Variants in HUNK observed in about 807,000 individuals in gnomAD.
HUNK encodes the protein hormonally up-regulated Neu-associated kinase.
HUNK carries 21 observed loss-of-function variants against 61.0 expected under a neutral mutation model. The observed-to-expected ratio is 0.34, with a 90% CI of 0.24 to 0.50. The LOEUF is 0.50. HUNK is among the 20% of genes least tolerant of loss of function. The probability of loss-of-function intolerance (pLI) is 0.98; values close to 1 mark genes in which losing one functional copy is unlikely to be tolerated. For synonymous variants in HUNK, 371 were observed against 386.1 expected, an observed-to-expected ratio of 0.96 and a Z score of 0.46; for missense variants, 772 against 945.7, an observed-to-expected ratio of 0.82 and a Z score of 2.41.
chr21:31,984,516 G>T (rs2053119879), intron 8 of HUNK, among the ~76,000 whole-genome samples: 1 of 152,214 alleles, frequency 6.6e-6, no homozygotes, highest in Admixed American at 6.5e-5. Context: ...TTCCTGGCCA[G>T]CTGTCCCTGG....
At chr21:31,941,941 G>A (rs1461862210) in intron 3 of HUNK, among the ~76,000 whole-genome samples, 1 of 152,196 alleles carries the variant, frequency 6.6e-6, no homozygotes, top group African/African-American at 2.4e-5. Flanking sequence ...TAGGCCAGGT[G>A]CAGTGGCTCA....
Position 31,928,708 on chromosome 21 carries a change from A to C in HUNK, c.554+3948A>C, listed in dbSNP as rs149215995. Among the ~76,000 whole-genome samples, 971 of 152,320 alleles carry C rather than the reference A, an allele frequency of 6.4e-3. 10 individuals are homozygous for C. Among genetic ancestry groups the C allele is most frequent in the African/African-American group, 0.022 (911 of 41,566 alleles). On this transcript the variant is annotated intron_variant, in intron 2 of 10. Coordinates refer to ENST00000270112, the MANE Select transcript of HUNK (RefSeq NM_014586.2). The stretch of plus-strand genomic sequence containing the variant: ...CCTCACATTAAAATGCTTGTTTAGA[A>C]TATATTCATAGTGGCTTTAACGGAA...
At chr21:31,887,769 G>A (rs2052357579) in intron 1 of HUNK, among the ~76,000 whole-genome samples, 1 of 152,174 alleles carries the variant, frequency 6.6e-6, no homozygotes, top group South Asian at 2.1e-4. Context: ...ACCGCCTTCG[G>A]GGAGCCTCGC....
At chr21:31,984,195 T>C (rs1356132410) in intron 8 of HUNK, among the ~76,000 whole-genome samples, 1 of 152,114 alleles carries the variant, frequency 6.6e-6, no homozygotes, top group Non-Finnish European at 1.5e-5. Flanking sequence ...TAGTTAACAG[T>C]AACTTATTAT....
chr21:31,889,381 C>G (rs112261006), intron 1 of HUNK, among the ~76,000 whole-genome samples: 4,242 of 152,232 alleles, frequency 0.028, 196 homozygotes, highest in African/African-American at 0.096. Flanking sequence ...CTGAGCCCTA[C>G]TTTAGTGAAA....
intron 6 of HUNK, among the ~76,000 whole-genome samples, chr21:31,970,172 C>T (rs1238037266): frequency 6.6e-6 from 1 of 152,150 alleles, no homozygotes; most frequent in East Asian, 1.9e-4. Flanking sequence ...AAACACCCAC[C>T]AAGCCTTATG....
intron 1 of HUNK, among the ~76,000 whole-genome samples, chr21:31,883,738 C>T (rs1347607528): frequency 6.6e-6 from 1 of 152,152 alleles, no homozygotes; most frequent in Non-Finnish European, 1.5e-5. Context: ...TGGGTTTCGT[C>T]ATACTCTAAA....
At chr21:31,944,335 TC>T (rs2052788022) in intron 3 of HUNK, among the ~76,000 whole-genome samples, 1 of 152,232 alleles carries the variant, frequency 6.6e-6, no homozygotes, top group Non-Finnish European at 1.5e-5. Context: ...TACCTTGGCC[TC>T]CCAAAGTGTT....
chr21:31,980,376 CTTCT>C (rs199769369), intron 7 of HUNK, among the ~76,000 whole-genome samples: 1,802 of 119,342 alleles, frequency 0.015, 17 homozygotes, highest in Middle Eastern at 0.069. Flanking sequence ...GGCCTGTCTT[CTTCT>C]TTTTTTTTTT....
At chr21:31,881,558 G>A (rs1269851067) in intron 1 of HUNK, among the ~76,000 whole-genome samples, 51 of 152,162 alleles carry the variant, frequency 3.4e-4, no homozygotes, top group Non-Finnish European at 1.5e-5. Flanking sequence ...AGGAGGTGGA[G>A]GTTGCAGTGA....
At chr21:31,990,286 C>A in intron 9 of HUNK, 110 bp downstream of exon 9, 1 of 1,069,488 alleles carries the variant, frequency 9.4e-7, no homozygotes, top group Non-Finnish European at 1.4e-6. Context: ...AAGGAGTTGG[C>A]TCACACAGTT....
intron 1 of HUNK, among the ~76,000 whole-genome samples, chr21:31,900,481 A>AG (rs2052458124): frequency 6.6e-6 from 1 of 150,924 alleles, no homozygotes; most frequent in Admixed American, 6.6e-5. Flanking sequence ...ACACACACAA[A>AG]CTCTACTGTG....
intron 1 of HUNK, among the ~76,000 whole-genome samples, chr21:31,886,135 C>T (rs1320531235): frequency 1.3e-5 from 2 of 152,122 alleles, no homozygotes; most frequent in East Asian, 3.9e-4. Context: ...ACCTCATATT[C>T]AGGGGGCTAG....
At chr21:31,896,076 A>G (rs111770848) in intron 1 of HUNK, among the ~76,000 whole-genome samples, 1 of 151,942 alleles carries the variant, frequency 6.6e-6, no homozygotes, top group Non-Finnish European at 1.5e-5. Flanking sequence ...CGAAGGCCAC[A>G]GTGAGAAGGT....
In HUNK at chr21:31,990,138, G is replaced by A. The variant is rs779717176; in HGVS notation, c.1267G>A (p.Asp423Asn). Residue 423 changes from aspartate (D) to asparagine (N), a missense_variant, in exon 9 of 11, where the codon GAC becomes AAC. By Grantham distance (23) the Asp-to-Asn change is conservative. Transcript: ENST00000270112. ...ATGTTCCTTTTCACAGGCCTCTCTG[G>A]ACACCTGGACACGAGATCTTGAATT... The part of the protein sequence containing the change: ...APKESYEASL[D>N]TWTRDLEFHA... 5.6e-6 allele frequency: 9 copies of A among 1,613,794 alleles called. No individual in the cohort carries two copies.
Position 31,999,282 on chromosome 21 carries a change from G to GC in HUNK, c.*99dup. 9.0e-7 allele frequency: 1 copy of GC among 1,114,294 alleles called. No individual in the cohort carries two copies. The highest frequency in any genetic ancestry group is 1.3e-6 in the Non-Finnish European group (1 of 772,058). The allele number at this position is 1,114,294 out of a possible 1,614,324, so 69.0% of individuals were successfully genotyped here. On this transcript the variant is annotated 3_prime_UTR_variant, in exon 11 of 11. Transcript: ENST00000270112. ...TGAGCACTCCAAGGCCTCGCGTGGA[G>GC]CATCCTTAGTCCCACCTGTAGCTGA...
At chr21:31,921,946 A>G (rs2052625185) in intron 1 of HUNK, among the ~76,000 whole-genome samples, 1 of 152,356 alleles carries the variant, frequency 6.6e-6, no homozygotes, top group African/African-American at 2.4e-5. Context: ...AAGCTCATGG[A>G]CATGTCCATT....
chr21:31,932,083 TC>T (rs1358183324), intron 2 of HUNK, among the ~76,000 whole-genome samples: 101 of 152,282 alleles, frequency 6.6e-4, no homozygotes, highest in African/African-American at 2.1e-3. Flanking sequence ...ACTCATGCTC[TC>T]CCCCACGTGC....
rs377582706 is a variant in HUNK, at chr21:31,959,010, T to C, written c.874+40T>C. On this transcript the variant is annotated intron_variant, in intron 5 of 10. Transcript: ENST00000270112. ...GCTCTAGATCACGGTTCAGGACTGC[T>C]GTCGTGACCAGTTCGGGTCTACCTG... 3 of 1,526,400 alleles carry C rather than the reference T, an allele frequency of 2.0e-6. No individual in the cohort carries two copies. The African/African-American group carries it at 4.2e-5, about 21-fold the overall frequency. 94.6% of individuals were successfully genotyped at this position (1,526,400 alleles called of 1,614,324 possible). A position where few individuals can be genotyped will look rare whatever the true frequency, so the allele number is the denominator to read the frequency against.
Sources: allele counts gnomAD v4.1 joint callset (sites outside exome capture counted in the v4.1 genomes callset), GRCh38; gene constraint gnomAD v4.1.1; transcripts MANE v1.5; gene names NCBI Gene and HGNC (gene_info 2026-07-23, HGNC 2026-07-21).